Variants in PPRC1 observed in about 807,000 individuals in gnomAD.
PPRC1 encodes the protein peroxisome proliferator-activated receptor gamma coactivator-related protein 1.
In PPRC1, 23 loss-of-function variants were observed where a neutral mutation model predicts 132.5. The observed-to-expected ratio is 0.17, with a 90% CI of 0.12 to 0.25. The LOEUF is 0.25. PPRC1 is among the 10% of genes least tolerant of loss of function. PPRC1 has a pLI of 1.00. For synonymous variants in PPRC1, 872 were observed against 833.5 expected (o/e 1.05, Z -0.80); for missense variants, 2,006 against 2,089.1 (o/e 0.96, Z 0.78).
At position 102,139,750 on chromosome 10, in the gene PPRC1, G is replaced by A. The variant is rs765992440; in HGVS notation, c.1242G>A (p.Leu414=). The A allele has an allele frequency of 6.2e-7, 1 of 1,614,190 alleles. No homozygotes were observed. Among genetic ancestry groups the A allele is most frequent in the African/African-American group, 1.3e-5 (1 of 75,068 alleles). ...KVTLCSEKEG[L]SLNSEEKLDS... ...CCCTCTGCTCTGAGAAAGAGGGGTT[G>A]TCATTGAACTCAGAGGAGAAGCTGG... Residue 414 remains leucine, a synonymous_variant, in exon 5 of 14, where the codon TTG becomes TTA. Coordinates refer to ENST00000278070, the MANE Select transcript of PPRC1 (RefSeq NM_015062.5).
chr10:102,129,523 C>T (rs1004460312), upstream of PPRC1, among the ~76,000 whole-genome samples: 1 of 152,174 alleles, frequency 6.6e-6, no homozygotes, highest in Non-Finnish European at 1.5e-5. Flanking sequence ...AGTGGCAAAA[C>T]GTTCCGCTTT....
chr10:102,133,604 C>T (rs2068604998), intron 1 of PPRC1, among the ~76,000 whole-genome samples: 1 of 152,032 alleles, frequency 6.6e-6, no homozygotes, highest in African/African-American at 2.4e-5. Flanking sequence ...CCCGGGAGAA[C>T]TTGTCTGCCT....
rs2068976337 is a variant in PPRC1 at position 102,141,492 on chromosome 10, C to G, written c.2984C>G (p.Ser995Cys). ...GPGPQHAPFW[S>C]TVPPPPLPPA... ...GGGCCTCAACATGCTCCATTCTGGT[C>G]TACTGTTCCCCCACCTCCTTTGCCT... The change falls in exon 5 of 14, where the codon TCT (serine) becomes TGT (cysteine). Residue 995 changes from serine to cysteine, a missense_variant. Physicochemically the swap from Ser to Cys is moderately radical, Grantham distance 112 (BLOSUM62 -1). Transcript: ENST00000278070. 2 of 1,613,890 alleles carry G rather than the reference C, an allele frequency of 1.2e-6. No homozygotes were observed. Among genetic ancestry groups the G allele is most frequent in the Non-Finnish European group, 1.7e-6 (2 of 1,179,948 alleles).
chr10:102,140,481 CTG>C lies in PPRC1; in HGVS notation c.1975_1976del (p.Val659ProfsTer8), dbSNP rs1564940622. 1 of 1,614,198 alleles carries C rather than the reference CTG, an allele frequency of 6.2e-7. No individual in the cohort carries two copies. On this transcript the variant is annotated frameshift_variant, in exon 5 of 14. Transcript: ENST00000278070. LOFTEE classifies it high-confidence loss of function. ...TCAGATAACTTGCCACCAGTTGATGCTGTCCCGTCTGGCCCAGCACCAGTTGA... is the reference window on the plus strand; with the variant it reads ...TCAGATAACTTGCCACCAGTTGATGCTCCCGTCTGGCCCAGCACCAGTTGA...
rs753362452 is a variant in PPRC1, at chr10:102,147,244, G to T, written c.4252G>T (p.Gly1418Cys). 6.2e-7 allele frequency: 1 copy of T among 1,613,152 alleles called. No individual in the cohort carries two copies. Among genetic ancestry groups the T allele is most frequent in the Admixed American group, 1.7e-5 (1 of 60,034 alleles). Residue 1418 changes from glycine to cysteine, a missense_variant, in exon 9 of 14, where the codon GGC (glycine) becomes TGC (cysteine). Around this residue, in one of 2 missense-constraint regions of PPRC1, gnomAD observed 1,914 missense variants for 1,917.2 expected, o/e 1.00. Coordinates refer to ENST00000278070, the MANE Select transcript of PPRC1 (RefSeq NM_015062.5). ...ACRSASPSSQ[G>C]WQGRRGRNSR... ...CAGGTCAGCCAGCCCCTCAAGCCAGGGCTGGCAGGGCCGCCGAGGCCGCAA... is the reference window on the plus strand; with the variant it reads ...CAGGTCAGCCAGCCCCTCAAGCCAGTGCTGGCAGGGCCGCCGAGGCCGCAA...
chr10:102,144,430 C>G (rs1261626051), intron 7 of PPRC1, 123 bp downstream of exon 7: 2 of 914,642 alleles, frequency 2.2e-6, no homozygotes, highest in East Asian at 5.2e-5. Context: ...GAGTCTTTCC[C>G]TGTTTCCCCA....
At chr10:102,127,676 G>A in the PPRC1 span, among the ~76,000 whole-genome samples, 12 of 152,214 alleles carry the variant, frequency 7.9e-5, no homozygotes, top group South Asian at 2.5e-3. Context: ...AAAGTGCTGG[G>A]ATTACAGGCG....
the PPRC1 span, among the ~76,000 whole-genome samples, chr10:102,127,055 AT>A: frequency 8.3e-3 from 497 of 59,878 alleles, 21 homozygotes; most frequent in African/African-American, 0.015. Flanking sequence ...ATATATATAT[AT>A]ATATATATAT....
At chr10:102,124,071 CTTTTTT>C in the PPRC1 span, among the ~76,000 whole-genome samples, 4 of 140,738 alleles carry the variant, frequency 2.8e-5, no homozygotes, top group African/African-American at 1.0e-4. Flanking sequence ...AAACTTTATT[CTTTTTT>C]TTTTTTAGAC....
intron 6 of PPRC1, among the ~76,000 whole-genome samples, chr10:102,143,713 G>A (rs2069099281): frequency 6.6e-6 from 1 of 152,088 alleles, no homozygotes; most frequent in African/African-American, 2.4e-5. Flanking sequence ...AATTCACAGA[G>A]AGAATATGTG....
rs752744120 is a variant in PPRC1 at position 102,146,825 on chromosome 10, G to A, written c.3833G>A (p.Arg1278His). Residue 1278 changes from arginine to histidine, a missense_variant, in exon 9 of 14, where the codon CGC becomes CAC. Physicochemically the swap from Arg to His is conservative, Grantham distance 29. This residue lies in a region of PPRC1 where 1,914 missense variants were observed against 1,917.2 expected (regional missense o/e 1.00). Transcript: ENST00000278070. ...VTEAKHPAAV[R>H]LQEGVHGPSR... Reference sequence around the variant, plus strand: ...GAGGCCAAACATCCAGCTGCAGTTCGCCTCCAAGAAGGGGTCCATGGCCCT... The same window carrying A: ...GAGGCCAAACATCCAGCTGCAGTTCACCTCCAAGAAGGGGTCCATGGCCCT... The A allele has an allele frequency of 2.5e-5, 40 of 1,614,072 alleles. No homozygotes were observed. The South Asian group carries it at 3.5e-4, about 14-fold the overall frequency.
upstream of PPRC1, among the ~76,000 whole-genome samples, chr10:102,129,106 G>GT (rs1254798980): frequency 7.3e-6 from 1 of 137,822 alleles, no homozygotes; most frequent in Non-Finnish European, 1.6e-5. Flanking sequence ...ATTTTTTTGT[G>GT]TTTTTTAGTA....
the PPRC1 span, among the ~76,000 whole-genome samples, chr10:102,126,890 C>T: frequency 6.6e-6 from 1 of 151,710 alleles, no homozygotes; most frequent in Non-Finnish European, 1.5e-5. Flanking sequence ...AAACATCAGT[C>T]ATTTTTCTGC....
At chr10:102,120,029 G>A in the PPRC1 span, 496 of 1,327,762 alleles carry the variant, frequency 3.7e-4, 1 homozygote, top group South Asian at 7.8e-4. Flanking sequence ...CACGGGGTGA[G>A]GGGTCCGCAG....
chr10:102,141,323 C>G lies in PPRC1; in HGVS notation c.2815C>G (p.Pro939Ala). ...VSPSGYPCLPPPPTVPLVSGT... is the reference protein window; with the variant it reads ...VSPSGYPCLPAPPTVPLVSGT... Reference sequence around the variant, plus strand: ...CCCTTCTGGCTATCCTTGCCTGCCCCCCCCACCAACGGTGCCCCTAGTGTC... The same window carrying G: ...CCCTTCTGGCTATCCTTGCCTGCCCGCCCCACCAACGGTGCCCCTAGTGTC... The change falls in exon 5 of 14, where the codon CCC (proline) becomes GCC (alanine). Residue 939 changes from proline to alanine, a missense_variant. Pro to Ala is a conservative substitution (Grantham distance 27). Around this residue, in one of 2 missense-constraint regions of PPRC1, gnomAD observed 1,914 missense variants for 1,917.2 expected, o/e 1.00. Coordinates refer to ENST00000278070, the MANE Select transcript of PPRC1 (RefSeq NM_015062.5). 1.9e-6 allele frequency: 3 copies of G among 1,614,044 alleles called. No homozygotes were observed. The highest frequency in any genetic ancestry group is 2.5e-6 in the Non-Finnish European group (3 of 1,179,932).
chr10:102,121,238 C>T, the PPRC1 span, among the ~76,000 whole-genome samples: 7 of 152,086 alleles, frequency 4.6e-5, no homozygotes, highest in African/African-American at 1.4e-4. Context: ...AGTCAAGACA[C>T]TCTCTTCCCT....
upstream of PPRC1, among the ~76,000 whole-genome samples, chr10:102,130,438 A>C (rs1053027701): frequency 2.7e-5 from 4 of 149,270 alleles, no homozygotes; most frequent in East Asian, 2.0e-4. Flanking sequence ...AAAAAAAAAA[A>C]AAAACAACTA....
upstream of PPRC1, among the ~76,000 whole-genome samples, chr10:102,132,762 C>T (rs573384293): frequency 3.9e-5 from 6 of 152,342 alleles, no homozygotes; most frequent in African/African-American, 1.2e-4. Flanking sequence ...CAATAAAATA[C>T]GCAAATGTTA....
chr10:102,134,549 G>A (rs1435615439), intron 1 of PPRC1, among the ~76,000 whole-genome samples: 3 of 152,162 alleles, frequency 2.0e-5, no homozygotes, highest in Admixed American at 1.3e-4. Context: ...TACTAGGTGG[G>A]AGTTGGGCTG....
Sources: allele counts gnomAD v4.1 joint callset (sites outside exome capture counted in the v4.1 genomes callset), GRCh38; gene constraint gnomAD v4.1.1; regional missense constraint gnomAD v4.1.1; transcripts MANE v1.5; gene names NCBI Gene and HGNC (gene_info 2026-07-23, HGNC 2026-07-21).